Variants in COQ2 observed in about 807,000 individuals in gnomAD.
COQ2 encodes the protein 4-hydroxybenzoate polyprenyltransferase, mitochondrial.
In COQ2, 25 loss-of-function variants were observed where a neutral mutation model predicts 35.7. That is an observed-to-expected ratio of 0.70 (90% CI 0.51 to 0.98). COQ2 has a LOEUF of 0.98. COQ2 is among the 50% of genes least tolerant of loss of function. The pLI is 0.00. For missense variants in COQ2, 488 were observed against 473.5 expected (o/e 1.03, Z -0.28); for synonymous variants, 206 against 186.2 (o/e 1.11, Z -0.86).
chr4:83,281,780 G>A (rs1290834762), intron 1 of COQ2, among the ~76,000 whole-genome samples: 3 of 152,088 alleles, frequency 2.0e-5, no homozygotes, highest in African/African-American at 7.2e-5. Context: ...AGAAACTGAC[G>A]CAGAGAGGGA....
intron 1 of COQ2, 47 bp downstream of exon 1, chr4:83,284,465 A>T (rs13113787): frequency 3.9e-6 from 6 of 1,519,800 alleles, no homozygotes; most frequent in Admixed American, 2.1e-5. Flanking sequence ...GCCGACTCGG[A>T]GGCTGCTACT....
chr4:83,276,021 T>C (rs1735159375), intron 2 of COQ2, among the ~76,000 whole-genome samples: 3 of 52,444 alleles, frequency 5.7e-5, no homozygotes, highest in South Asian at 1.6e-3. Context: ...ATATATAATA[T>C]ATATTTTTAT....
In COQ2 at chr4:83,278,980, T is replaced by G; in HGVS notation, c.388A>C (p.Asn130His). 1 of 1,606,826 alleles carries G rather than the reference T, an allele frequency of 6.2e-7. No homozygotes were observed. The highest frequency in any genetic ancestry group is 8.5e-7 in the Non-Finnish European group (1 of 1,176,954). Residue 130 changes from asparagine to histidine, a missense_variant, in exon 2 of 7, where the codon AAT becomes CAT. Transcript: ENST00000647002. ...TCATAGTCCTGGTCCCACATGTCAT[T>G]AATAGTACAGCCTGCTCCACGCATC... Reference protein sequence around the residue: ...ILMRGAGCTINDMWDQDYDKK... With the variant: ...ILMRGAGCTIHDMWDQDYDKK...
intron 3 of COQ2, 27 bp from the exon 4 acceptor site, chr4:83,272,199 GATT>G: frequency 6.8e-7 from 1 of 1,480,750 alleles, no homozygotes; most frequent in African/African-American, 1.4e-5. Context: ...CCATTAAAGT[GATT>G]ATTACCACTA....
intron 4 of COQ2, among the ~76,000 whole-genome samples, chr4:83,270,342 AC>A (rs1308647482): frequency 6.6e-6 from 1 of 152,196 alleles, no homozygotes; most frequent in Non-Finnish European, 1.5e-5. Context: ...ATCTGAACTT[AC>A]ATCTCTCTGA....
chr4:83,285,056 T>G, upstream of COQ2: 1 of 612,852 alleles, frequency 1.6e-6, no homozygotes, highest in Middle Eastern at 2.6e-4. Flanking sequence ...CGGGCAACAC[T>G]CAGAACGGGG....
chr4:83,277,355 T>C, intron 2 of COQ2, among the ~76,000 whole-genome samples: 1 of 152,112 alleles, frequency 6.6e-6, no homozygotes, highest in East Asian at 1.9e-4. Flanking sequence ...CGCATACTCA[T>C]CTCACAGCCG....
Position 83,269,319 on chromosome 4 carries a change from G to C in COQ2, c.762+541C>G, listed in dbSNP as rs147994750. Among the ~76,000 whole-genome samples, 343 of 152,210 alleles carry C rather than the reference G, an allele frequency of 2.3e-3. 1 individual carries two copies. The highest frequency in any genetic ancestry group is 3.3e-3 in the Non-Finnish European group (224 of 68,020). Reference sequence around the variant, plus strand: ...TAGTCCATAGTCTTAAAGTGACAATGACAAAGAATTGGTAAAAATATGGGA... The same window carrying C: ...TAGTCCATAGTCTTAAAGTGACAATCACAAAGAATTGGTAAAAATATGGGA... On this transcript the variant is annotated intron_variant, in intron 5 of 6. Coordinates refer to ENST00000647002, the MANE Select transcript of COQ2 (RefSeq NM_001358921.2).
intron 6 of COQ2, among the ~76,000 whole-genome samples, chr4:83,266,443 T>C (rs1734921240): frequency 6.6e-6 from 1 of 151,638 alleles, no homozygotes; most frequent in Non-Finnish European, 1.5e-5. Flanking sequence ...CTGGAACCTC[T>C]ACCTCCTGGG....
chr4:83,270,088 G>T, intron 4 of COQ2, 95 bp from the exon 5 acceptor site: 1 of 1,319,768 alleles, frequency 7.6e-7, no homozygotes, highest in Non-Finnish European at 1.1e-6. Context: ...AGTGCTCCTG[G>T]GTATCAGACT....
intron 4 of COQ2, 28 bp downstream of exon 4, chr4:83,272,059 G>A (rs1346790245): frequency 9.8e-6 from 14 of 1,435,490 alleles, no homozygotes; most frequent in African/African-American, 2.8e-5. Flanking sequence ...AATATCAAAG[G>A]AAATACTTTT....
In COQ2 at chr4:83,284,588, G is replaced by A. The variant is rs1212750197; in HGVS notation, c.177C>T (p.Ser59=). The part of the protein sequence containing the change: ...PEPRGRQLSL[S]AAAVVDSAPR... ...GCGCAGAGTCCACCACCGCCGCCGC[G>A]GACAAACTGAGCTGGCGCCCGCGCG... is the stretch of plus-strand genomic sequence containing the variant. Residue 59 remains serine (S), a synonymous_variant, in exon 1 of 7, where the codon TCC becomes TCT. Coordinates refer to ENST00000647002, the MANE Select transcript of COQ2 (RefSeq NM_001358921.2). 2.6e-6 allele frequency: 4 copies of A among 1,546,548 alleles called. No individual in the cohort carries two copies. The highest frequency in any genetic ancestry group is 3.5e-6 in the Non-Finnish European group (4 of 1,147,668).
chr4:83,281,461 A>G (rs1735319805), intron 1 of COQ2: 3 of 152,226 alleles, frequency 2.0e-5, no homozygotes, highest in Non-Finnish European at 1.5e-5. Context: ...TCCCCTACAG[A>G]TGACAAGGGT....
rs368412103 is a variant in COQ2, at chr4:83,265,530, G to A, written c.952-1167C>T. ...GTGGAGGTTGTACTGAGCCAAGATC[G>A]TGCCACTTCACTCCAGCCTGGGTGA... On this transcript the variant is annotated intron_variant, in intron 6 of 6. Transcript: ENST00000647002. Among the ~76,000 whole-genome samples, 106 of 152,140 alleles carry A rather than the reference G, an allele frequency of 7.0e-4. 1 individual carries two copies. The East Asian group carries it at 0.012, about 17-fold the overall frequency.
At chr4:83,284,389 A>C (rs1179227891) in intron 1 of COQ2, 123 bp downstream of exon 1, 6 of 1,416,636 alleles carry the variant, frequency 4.2e-6, no homozygotes, top group Admixed American at 3.1e-5. Flanking sequence ...CCCGGCAGCC[A>C]AGCCCAAGCT....
chr4:83,284,430 C>T, intron 1 of COQ2, 82 bp downstream of exon 1: 1 of 1,472,474 alleles, frequency 6.8e-7, no homozygotes, highest in Non-Finnish European at 9.0e-7. Context: ...ACGCCCCGGC[C>T]GGCCGCCGCG....
In COQ2 at chr4:83,264,536, C is replaced by T. The variant is rs559482726; in HGVS notation, c.952-173G>A. Among the ~76,000 whole-genome samples the T allele has an allele frequency of 7.9e-5, 12 of 152,166 alleles. No individual in the cohort carries two copies. The South Asian group carries it at 2.1e-3, about 26-fold the overall frequency. On this transcript the variant is annotated intron_variant, in intron 6 of 6. Coordinates refer to ENST00000647002, the MANE Select transcript of COQ2 (RefSeq NM_001358921.2). The stretch of plus-strand genomic sequence containing the variant: ...CCTGTAGTCCCAGCTACTCAAGAGG[C>T]TGAGGTGGGAGGATTGCTTGAGGCC...
intron 6 of COQ2, chr4:83,267,127 C>A (rs1734937123): frequency 2.2e-6 from 1 of 453,096 alleles, no homozygotes; most frequent in African/African-American, 2.0e-5. Context: ...GTAATCCCAG[C>A]ACTTTTGGGA....
upstream of COQ2, chr4:83,284,805 C>T (rs978474710): frequency 2.5e-6 from 4 of 1,569,294 alleles, no homozygotes; most frequent in Middle Eastern, 1.7e-4. Context: ...TGACGTCATT[C>T]CCCGGCAGGC....
Sources: allele counts gnomAD v4.1 joint callset (sites outside exome capture counted in the v4.1 genomes callset), GRCh38; gene constraint gnomAD v4.1.1; transcripts MANE v1.5; gene names NCBI Gene and HGNC (gene_info 2026-07-23, HGNC 2026-07-21).